CEP295: variants seen among roughly 807,000 people sequenced by gnomAD.
The protein encoded by CEP295 is centrosomal protein 295.
In CEP295, 190 loss-of-function variants were observed where a neutral mutation model predicts 291.6. That is an observed-to-expected ratio of 0.65 (90% CI 0.58 to 0.73). The LOEUF (loss-of-function observed/expected upper bound fraction) is 0.73. CEP295 is among the 30% of genes least tolerant of loss of function. The pLI, the probability that CEP295 is intolerant of heterozygous loss-of-function variation, is 0.00. For missense variants in CEP295, 2,863 were observed against 2,949.4 expected, an observed-to-expected ratio of 0.97 and a Z score of 0.68; for synonymous variants, 993 against 1,038.8, an observed-to-expected ratio of 0.96 and a Z score of 0.85.
At chr11:93,704,246 T>C (rs1038603326) in intron 17 of CEP295, among the ~76,000 whole-genome samples, 6 of 152,258 alleles carry the variant, frequency 3.9e-5, no homozygotes, top group Non-Finnish European at 4.4e-5. Context: ...AGTATAGTAG[T>C]TGAAAAAAAA....
At chr11:93,712,670 C>T (rs1405758051) in intron 18 of CEP295, among the ~76,000 whole-genome samples, 1 of 152,100 alleles carries the variant, frequency 6.6e-6, no homozygotes, top group Non-Finnish European at 1.5e-5. Context: ...AAGTGTATTT[C>T]TTGTAGGTAA....
intron 18 of CEP295, among the ~76,000 whole-genome samples, chr11:93,707,866 A>G (rs1020104540): frequency 2.0e-5 from 3 of 152,158 alleles, no homozygotes; most frequent in East Asian, 3.8e-4. Flanking sequence ...ACTTGTATCT[A>G]TAGTTGAGTG....
Position 93,721,574 on chromosome 11 carries a change from C to G in CEP295, c.5850+162C>G, listed in dbSNP as rs1203124457. 3 of 765,856 alleles carry G rather than the reference C, an allele frequency of 3.9e-6. No individual in the cohort carries two copies. In the African/African-American group the frequency reaches 5.1e-5, roughly 13 times the overall value. The allele number at this position is 765,856 out of a possible 1,614,324, so 47.4% of individuals were successfully genotyped here. On this transcript the variant is annotated intron_variant, in intron 19 of 29. Coordinates refer to ENST00000325212, the MANE Select transcript of CEP295 (RefSeq NM_033395.2). ...GATGAAACTAGCCAAATCTGAGCATCAGAAGTCTTTCCAGTCTACCTGATG... is the reference window on the plus strand; with the variant it reads ...GATGAAACTAGCCAAATCTGAGCATGAGAAGTCTTTCCAGTCTACCTGATG...
At chr11:93,707,808 G>T (rs1159238615) in intron 18 of CEP295, among the ~76,000 whole-genome samples, 1 of 151,608 alleles carries the variant, frequency 6.6e-6, no homozygotes, top group Non-Finnish European at 1.5e-5. Context: ...TTTTATTTTA[G>T]CTGTACACCT....
chr11:93,671,667 G>A (rs1950455275), intron 5 of CEP295, among the ~76,000 whole-genome samples: 1 of 152,174 alleles, frequency 6.6e-6, no homozygotes, highest in South Asian at 2.1e-4. Context: ...ATAAGGCAGT[G>A]TTTCTGAATG....
At position 93,706,788 on chromosome 11, in the gene CEP295, A is replaced by G; in HGVS notation, c.5640A>G (p.Ser1880=). Residue 1880 remains serine, a synonymous_variant, in exon 18 of 30, where the codon TCA becomes TCG. Transcript: ENST00000325212. The part of the protein sequence containing the change: ...IYEDRDPLRV[S]ISREQSFFGS... Reference sequence around the variant, plus strand: ...AAGACAGAGACCCCCTGCGAGTCTCAATAAGCCGAGAACAAAGTTTCTTTG... The same window carrying G: ...AAGACAGAGACCCCCTGCGAGTCTCGATAAGCCGAGAACAAAGTTTCTTTG... 6.5e-7 allele frequency: 1 copy of G among 1,550,104 alleles called. No individual in the cohort carries two copies. Among genetic ancestry groups the G allele is most frequent in the Non-Finnish European group, 8.7e-7 (1 of 1,146,236 alleles).
At chr11:93,679,968 G>A (rs1000345613) in intron 7 of CEP295, among the ~76,000 whole-genome samples, 4 of 152,090 alleles carry the variant, frequency 2.6e-5, no homozygotes, top group East Asian at 1.9e-4. Flanking sequence ...CCTTGCTACC[G>A]GAGCTTTTAA....
At chr11:93,662,368 G>A (rs1010897177) in intron 1 of CEP295, among the ~76,000 whole-genome samples, 66 of 152,108 alleles carry the variant, frequency 4.3e-4, no homozygotes, top group Non-Finnish European at 1.8e-4. Context: ...TTAAGAAAAC[G>A]AAACCAAAGT....
At chr11:93,686,030 T>G (rs1383948670) in intron 9 of CEP295, among the ~76,000 whole-genome samples, 4 of 151,046 alleles carry the variant, frequency 2.6e-5, no homozygotes, top group Non-Finnish European at 3.0e-5. Context: ...TAAAAAGATA[T>G]TCTTACAGCC....
chr11:93,729,131 GAAC>G (rs1482975332), intron 25 of CEP295: 22 of 498,182 alleles, frequency 4.4e-5, no homozygotes, highest in African/African-American at 1.4e-4. Context: ...AATGACTTCA[GAAC>G]AACTGGTAAT....
Position 93,729,434 on chromosome 11 carries a change from G to A in CEP295, c.7303G>A (p.Val2435Met). 13 of 1,545,692 alleles carry A rather than the reference G, an allele frequency of 8.4e-6. No individual in the cohort carries two copies. The highest frequency in any genetic ancestry group is 1.1e-5 in the Non-Finnish European group (13 of 1,141,366). The change falls in exon 26 of 30, where the codon GTG (valine) becomes ATG (methionine). Residue 2435 changes from valine to methionine, a missense_variant and splice_region_variant. Physicochemically the swap from Val to Met is conservative, Grantham distance 21. Around this residue, in one of 3 missense-constraint regions of CEP295, gnomAD observed 2,295 missense variants for 2,335.7 expected, o/e 0.98. Transcript: ENST00000325212. ...SENEAKCFFQ[V>M]SEFLPLVSAT... ...AAACATGCAACTTTCTTGCCATTAGGTGAGTGAGTTTCTGCCTCTTGTATC... is the reference window on the plus strand; with the variant it reads ...AAACATGCAACTTTCTTGCCATTAGATGAGTGAGTTTCTGCCTCTTGTATC...
At chr11:93,675,841 A>G (rs1003430041) in intron 6 of CEP295, among the ~76,000 whole-genome samples, 175 bp downstream of exon 6, 1 of 152,118 alleles carries the variant, frequency 6.6e-6, no homozygotes, top group African/African-American at 2.4e-5. Flanking sequence ...ATGATGGTTT[A>G]ATATGAATTA....
At chr11:93,710,732 G>A (rs994045093) in intron 18 of CEP295, among the ~76,000 whole-genome samples, 4 of 152,256 alleles carry the variant, frequency 2.6e-5, no homozygotes, top group Admixed American at 6.5e-5. Context: ...GCAGTGAAGC[G>A]ATAGTGTCCT....
rs1953696576 is a variant in CEP295, at chr11:93,721,325, A to T, written c.5763A>T (p.Glu1921Asp). The stretch of plus-strand genomic sequence containing the variant: ...TCCATTTTTCAGTTAAGCTGAAGGA[A>T]TCTGTTGTTGAAAATCATGCAGTGT... Reference protein sequence around the residue: ...DDYDEAVKLKESVVENHAVLS... With the variant: ...DDYDEAVKLKDSVVENHAVLS... The change falls in exon 19 of 30, where the codon GAA becomes GAT. Residue 1921 changes from glutamate (E) to aspartate (D), a missense_variant. Glu to Asp is a conservative substitution (Grantham distance 45). Transcript: ENST00000325212. 1.3e-6 allele frequency: 2 copies of T among 1,551,438 alleles called. No individual in the cohort carries two copies. Among genetic ancestry groups the T allele is most frequent in the Non-Finnish European group, 1.7e-6 (2 of 1,145,536 alleles).
Position 93,722,062 on chromosome 11 carries a change from A to G in CEP295, c.5947+12A>G, listed in dbSNP as rs1306187773. 6.8e-7 allele frequency: 1 copy of G among 1,473,030 alleles called. No homozygotes were observed. The highest frequency in any genetic ancestry group is 9.3e-7 in the Non-Finnish European group (1 of 1,075,502). 91.2% of individuals were successfully genotyped at this position (1,473,030 alleles called of 1,614,324 possible). ...CCTTACAGATCCAGGTAATAAGGTC[A>G]AAATGTTTATAAATAAGTTGAAAGA... On this transcript the variant is annotated intron_variant, in intron 20 of 29. Transcript: ENST00000325212.
chr11:93,663,040 A>G (rs1950056571), intron 1 of CEP295, among the ~76,000 whole-genome samples: 1 of 152,250 alleles, frequency 6.6e-6, no homozygotes, highest in South Asian at 2.1e-4. Flanking sequence ...TTCAAAAATG[A>G]CAGGGTCTTG....
intron 2 of CEP295, among the ~76,000 whole-genome samples, chr11:93,667,320 C>T (rs1419340934): frequency 1.3e-5 from 2 of 152,174 alleles, no homozygotes; most frequent in South Asian, 2.1e-4. Flanking sequence ...TCATATTTAT[C>T]GCTTTAGCTT....
At chr11:93,694,444 A>AT (rs1192601893) in intron 12 of CEP295, among the ~76,000 whole-genome samples, 2 of 152,030 alleles carry the variant, frequency 1.3e-5, no homozygotes, top group Admixed American at 6.6e-5. Flanking sequence ...TCAGCGTATA[A>AT]TTTTTTTTCT....
chr11:93,679,755 C>T (rs951010337), intron 7 of CEP295, among the ~76,000 whole-genome samples: 2 of 152,040 alleles, frequency 1.3e-5, no homozygotes, highest in Non-Finnish European at 2.9e-5. Flanking sequence ...CAGTGTATTG[C>T]TATTCTAAAA....
Sources: allele counts gnomAD v4.1 joint callset (sites outside exome capture counted in the v4.1 genomes callset), GRCh38; gene constraint gnomAD v4.1.1; regional missense constraint gnomAD v4.1.1; transcripts MANE v1.5; gene names NCBI Gene and HGNC (gene_info 2026-07-23, HGNC 2026-07-21).